The following ADGRB3 variants were observed in gnomAD, a reference collection of about 807,000 sequenced individuals.
ADGRB3 encodes brain-specific angiogenesis inhibitor 3.
In ADGRB3, 37 loss-of-function variants were observed where a neutral mutation model predicts 193.4. That is an observed-to-expected ratio of 0.19 (90% CI 0.15 to 0.25). The LOEUF (loss-of-function observed/expected upper bound fraction) is 0.25. Ranked by LOEUF, ADGRB3 falls within the 10% of genes least tolerant of loss-of-function variation. The probability of loss-of-function intolerance (pLI) is 1.00; values close to 1 mark genes in which losing one functional copy is unlikely to be tolerated. For synonymous variants in ADGRB3, 690 were observed against 644.2 expected (o/e 1.07, Z -1.08); for missense variants, 1,637 against 1,852.9 (o/e 0.88, Z 2.14).
intron 3 of ADGRB3, among the ~76,000 whole-genome samples, chr6:68,867,393 T>C (rs1582267733): frequency 6.6e-6 from 1 of 152,140 alleles, no homozygotes; most frequent in African/African-American, 2.4e-5. Context: ...GAAACTTCAC[T>C]TAGATTTCAG....
At chr6:68,809,170 A>G (rs1364715107) in intron 3 of ADGRB3, among the ~76,000 whole-genome samples, 2 of 152,190 alleles carry the variant, frequency 1.3e-5, no homozygotes, top group African/African-American at 4.8e-5. Flanking sequence ...TCTAGAGCAC[A>G]CATTGGAAAG....
chr6:68,938,573 T>A (rs1268092165), intron 5 of ADGRB3, among the ~76,000 whole-genome samples: 5 of 151,912 alleles, frequency 3.3e-5, no homozygotes. Context: ...CTACATTTTT[T>A]AAGAATGCAA....
At chr6:68,776,267 C>T (rs1475312375) in intron 3 of ADGRB3, among the ~76,000 whole-genome samples, 1 of 152,022 alleles carries the variant, frequency 6.6e-6, no homozygotes, top group Non-Finnish European at 1.5e-5. Flanking sequence ...AGCCTTAGTT[C>T]AAAAAGTCAT....
chr6:68,720,469 C>G (rs1582146055), intron 3 of ADGRB3, among the ~76,000 whole-genome samples: 1 of 151,668 alleles, frequency 6.6e-6, no homozygotes, highest in East Asian at 1.9e-4. Flanking sequence ...GGCAAGTACT[C>G]AGTGAAATTT....
intron 20 of ADGRB3, among the ~76,000 whole-genome samples, chr6:69,271,734 G>GA (rs1469783807): frequency 1.3e-5 from 2 of 151,938 alleles, no homozygotes; most frequent in Non-Finnish European, 2.9e-5. Context: ...GAAAGTTCAT[G>GA]AAAACACACA....
chr6:69,000,410 T>C (rs1477018100), intron 11 of ADGRB3, among the ~76,000 whole-genome samples: 1 of 152,238 alleles, frequency 6.6e-6, no homozygotes. Flanking sequence ...TTATTTAATG[T>C]ATGTTGTTGA....
intron 20 of ADGRB3, among the ~76,000 whole-genome samples, chr6:69,311,079 A>G (rs1294717401): frequency 1.3e-5 from 2 of 151,766 alleles, no homozygotes. Context: ...CTTGAGACGT[A>G]TCTTCAATCT....
chr6:69,066,160 A>C (rs1319434004), intron 16 of ADGRB3, among the ~76,000 whole-genome samples: 1 of 151,424 alleles, frequency 6.6e-6, no homozygotes, highest in Non-Finnish European at 1.5e-5. Context: ...CAACCTTCAC[A>C]CATATACATC....
chr6:69,362,335 T>A (rs1347923322), intron 29 of ADGRB3, among the ~76,000 whole-genome samples: 1 of 151,992 alleles, frequency 6.6e-6, no homozygotes, highest in African/African-American at 2.4e-5. Flanking sequence ...TAATAGATTA[T>A]TACATAAAAC....
chr6:68,704,043 G>A (rs1765286703), intron 3 of ADGRB3, among the ~76,000 whole-genome samples: 1 of 152,140 alleles, frequency 6.6e-6, no homozygotes, highest in South Asian at 2.1e-4. Flanking sequence ...CAATATATTA[G>A]TCCCTAATAC....
chr6:68,853,024 TC>T (rs1313858143), intron 3 of ADGRB3, among the ~76,000 whole-genome samples: 11 of 152,146 alleles, frequency 7.2e-5, no homozygotes, highest in African/African-American at 2.6e-4. Context: ...GCAGACTTGA[TC>T]CATTTGACCA....
chr6:68,648,810 A>G (rs192314201), intron 3 of ADGRB3, among the ~76,000 whole-genome samples: 20 of 150,904 alleles, frequency 1.3e-4, no homozygotes, highest in Non-Finnish European at 1.9e-4. Context: ...TTAAATTTCT[A>G]TATTTATGTA....
chr6:69,287,050 C>T (rs924141303), intron 20 of ADGRB3, among the ~76,000 whole-genome samples: 1 of 152,136 alleles, frequency 6.6e-6, no homozygotes, highest in Non-Finnish European at 1.5e-5. Flanking sequence ...TCTAGGTATC[C>T]TATATTCACA....
intron 3 of ADGRB3, among the ~76,000 whole-genome samples, chr6:68,809,541 T>G (rs2127374943): frequency 6.6e-6 from 1 of 152,334 alleles, no homozygotes; most frequent in Middle Eastern, 3.4e-3. Flanking sequence ...GGGACATGCT[T>G]TCTTTATGTC....
chr6:68,826,819 C>A (rs982550769), intron 3 of ADGRB3, among the ~76,000 whole-genome samples: 1 of 152,052 alleles, frequency 6.6e-6, no homozygotes, highest in Non-Finnish European at 1.5e-5. Context: ...ATAGAAGAGT[C>A]AAGAATGACT....
At chr6:68,741,097 G>A (rs1441709766) in intron 3 of ADGRB3, among the ~76,000 whole-genome samples, 8 of 150,512 alleles carry the variant, frequency 5.3e-5, no homozygotes, top group Non-Finnish European at 7.4e-5. Context: ...TGCTTGACAG[G>A]AAAAAAAAAT....
At position 68,913,545 on chromosome 6, in the gene ADGRB3, A is replaced by C. The variant is rs533107946; in HGVS notation, c.758-17014A>C. On this transcript the variant is annotated intron_variant, in intron 3 of 31. Transcript: ENST00000370598. The stretch of plus-strand genomic sequence containing the variant: ...ATCCACACCAAAAACCCATCTGTAC[A>C]TCACCATCATCAAAGACCAAAAGTA... 3.4e-3 allele frequency among the ~76,000 whole-genome samples: 520 copies of C among 152,286 alleles called. 4 individuals carry two copies. Among genetic ancestry groups the C allele is most frequent in the African/African-American group, 0.012 (505 of 41,564 alleles).
At chr6:68,853,721 T>G (rs1020813707) in intron 3 of ADGRB3, among the ~76,000 whole-genome samples, 1 of 152,094 alleles carries the variant, frequency 6.6e-6, no homozygotes, top group Admixed American at 6.6e-5. Flanking sequence ...ACTGAAGAAG[T>G]TGTTCTAACT....
At chr6:69,288,272 C>T (rs927729195) in intron 20 of ADGRB3, among the ~76,000 whole-genome samples, 1 of 152,146 alleles carries the variant, frequency 6.6e-6, no homozygotes, top group Non-Finnish European at 1.5e-5. Context: ...TGTTCAACTC[C>T]CACTTATGAG....
Sources: gnomAD v4.1 joint callset for allele counts (sites outside exome capture counted in the v4.1 genomes callset) on GRCh38, gnomAD v4.1.1 for gene constraint, MANE v1.5 for transcripts, NCBI Gene and HGNC (gene_info 2026-07-23, HGNC 2026-07-21) for gene names.